Variants in RSPO2 observed in about 807,000 individuals in gnomAD.
RSPO2 encodes R-spondin-2.
In RSPO2, 14 loss-of-function variants were observed where a neutral mutation model predicts 30.9. The ratio of observed to expected loss-of-function variants is 0.45; its 90% CI spans 0.30 to 0.71. The LOEUF is 0.71. Ranked by LOEUF, RSPO2 falls within the 30% of genes least tolerant of loss-of-function variation. RSPO2 has a pLI of 0.08. For synonymous variants in RSPO2, 107 were observed against 96.4 expected (o/e 1.11, Z -0.64); for missense variants, 264 against 301.9 (o/e 0.87, Z 0.93).
intron 3 of RSPO2, among the ~76,000 whole-genome samples, chr8:107,961,955 C>T (rs1490562844): frequency 6.6e-6 from 1 of 152,198 alleles, no homozygotes. Flanking sequence ...AATAAATACA[C>T]TCTTAACTAC....
intron 2 of RSPO2, among the ~76,000 whole-genome samples, chr8:107,990,602 C>G (rs953107390): frequency 4.6e-5 from 7 of 152,016 alleles, no homozygotes; most frequent in African/African-American, 1.7e-4. Context: ...ATAGAAGAAT[C>G]AATATTATTA....
chr8:108,062,701 G>A (rs922324232), intron 2 of RSPO2, among the ~76,000 whole-genome samples: 13 of 151,916 alleles, frequency 8.6e-5, no homozygotes, highest in South Asian at 2.1e-4. Flanking sequence ...GAATCATCCT[G>A]ATATCAAAGT....
At chr8:107,922,584 G>A (rs1015929191) in intron 5 of RSPO2, among the ~76,000 whole-genome samples, 11 of 152,094 alleles carry the variant, frequency 7.2e-5, no homozygotes, top group Middle Eastern at 3.4e-3. Context: ...CATAGAACTA[G>A]AAAAAACTAT....
At chr8:107,959,227 T>C (rs180819666) in intron 4 of RSPO2, among the ~76,000 whole-genome samples, 3 of 152,326 alleles carry the variant, frequency 2.0e-5, no homozygotes, top group African/African-American at 7.2e-5. Context: ...GAGACCACAG[T>C]TCTTATTCCC....
intron 5 of RSPO2, among the ~76,000 whole-genome samples, chr8:107,930,488 G>A (rs996815520): frequency 6.6e-6 from 1 of 152,184 alleles, no homozygotes; most frequent in East Asian, 1.9e-4. Context: ...TTCCTCAACT[G>A]CTGAATAACT....
At chr8:108,061,811 AG>A (rs1230807224) in intron 2 of RSPO2, among the ~76,000 whole-genome samples, 1 of 151,874 alleles carries the variant, frequency 6.6e-6, no homozygotes, top group Non-Finnish European at 1.5e-5. Context: ...CAAATGTAAA[AG>A]AACAGAAATT....
intron 3 of RSPO2, among the ~76,000 whole-genome samples, chr8:107,971,320 ATAAAAG>A (rs1351408253): frequency 1.3e-5 from 2 of 152,246 alleles, no homozygotes; most frequent in African/African-American, 2.4e-5. Flanking sequence ...ATTACTAAAA[ATAAAAG>A]TAAAATGTTT....
In RSPO2 at chr8:107,926,542, G is replaced by A. The variant is rs892322431; in HGVS notation, c.617-25352C>T. ...GGGTTTTTATGGTTTTAGGTCTAACGTTTAAGTCTTTAATCCATCTTAACT... is the reference window on the plus strand; with the variant it reads ...GGGTTTTTATGGTTTTAGGTCTAACATTTAAGTCTTTAATCCATCTTAACT... On this transcript the variant is annotated intron_variant, in intron 5 of 5. Coordinates refer to ENST00000276659, the MANE Select transcript of RSPO2 (RefSeq NM_178565.5). Among the ~76,000 whole-genome samples, 6 of 152,166 alleles carry A rather than the reference G, an allele frequency of 3.9e-5. No homozygotes were observed. In the South Asian group the frequency reaches 1.0e-3, roughly 26 times the overall value.
intron 2 of RSPO2, among the ~76,000 whole-genome samples, chr8:107,990,915 T>C (rs186628698): frequency 8.5e-5 from 13 of 152,178 alleles, no homozygotes; most frequent in African/African-American, 3.1e-4. Context: ...AACTGTCTGA[T>C]CTTTGACAAA....
chr8:108,030,007 T>C (rs1343818017), intron 2 of RSPO2, among the ~76,000 whole-genome samples: 1 of 151,926 alleles, frequency 6.6e-6, no homozygotes, highest in Non-Finnish European at 1.5e-5. Flanking sequence ...GTTCAAACAT[T>C]TTTTTTAAAT....
chr8:107,963,876 G>A (rs1813712004), intron 3 of RSPO2, among the ~76,000 whole-genome samples: 1 of 152,106 alleles, frequency 6.6e-6, no homozygotes, highest in South Asian at 2.1e-4. Context: ...ATATTTGAGT[G>A]CATGAATTAT....
chr8:108,011,314 C>T (rs1350360288), intron 2 of RSPO2, among the ~76,000 whole-genome samples: 3 of 151,872 alleles, frequency 2.0e-5, no homozygotes, highest in African/African-American at 7.3e-5. Flanking sequence ...TAACCTTTTA[C>T]ATACACACAA....
chr8:107,918,730 A>G (rs1467524690), intron 5 of RSPO2, among the ~76,000 whole-genome samples: 1 of 152,166 alleles, frequency 6.6e-6, no homozygotes, highest in Non-Finnish European at 1.5e-5. Flanking sequence ...TGAAAAAATA[A>G]TTATTCTCGC....
intron 2 of RSPO2, among the ~76,000 whole-genome samples, chr8:108,011,667 T>C (rs1395268539): frequency 6.6e-6 from 1 of 152,194 alleles, no homozygotes; most frequent in East Asian, 1.9e-4. Context: ...TCAGCTTAAA[T>C]CCATGACTTA....
chr8:107,926,702 T>A (rs936733102), intron 5 of RSPO2, among the ~76,000 whole-genome samples: 3 of 152,160 alleles, frequency 2.0e-5, no homozygotes, highest in African/African-American at 7.2e-5. Context: ...GATCAGTTAG[T>A]TGTAGATACG....
chr8:107,973,231 C>T (rs1814064949), intron 3 of RSPO2, among the ~76,000 whole-genome samples: 1 of 151,402 alleles, frequency 6.6e-6, no homozygotes, highest in South Asian at 2.1e-4. Context: ...GATCACGCCA[C>T]TGCACTCCAG....
chr8:107,905,697 T>C (rs1205183520), intron 5 of RSPO2, among the ~76,000 whole-genome samples: 2 of 151,842 alleles, frequency 1.3e-5, no homozygotes, highest in Non-Finnish European at 2.9e-5. Context: ...GAGAACACTC[T>C]GGAAGCAGAA....
intron 5 of RSPO2, among the ~76,000 whole-genome samples, chr8:107,923,012 T>C (rs964280669): frequency 1.3e-5 from 2 of 152,184 alleles, no homozygotes; most frequent in African/African-American, 4.8e-5. Context: ...ATTCTGGACA[T>C]AGGAACAGGC....
intron 2 of RSPO2, among the ~76,000 whole-genome samples, chr8:108,034,245 C>A (rs1811520560): frequency 6.6e-6 from 1 of 151,966 alleles, no homozygotes; most frequent in African/African-American, 2.4e-5. Context: ...ATAAAGTGTT[C>A]TTTAAATATG....
Sources: allele counts gnomAD v4.1 joint callset (sites outside exome capture counted in the v4.1 genomes callset), GRCh38; gene constraint gnomAD v4.1.1; transcripts MANE v1.5; gene names NCBI Gene and HGNC (gene_info 2026-07-23, HGNC 2026-07-21).